Variants in EVC observed in about 807,000 individuals in gnomAD.
EVC encodes the protein evC complex member EVC.
EVC carries 116 observed loss-of-function variants against 118.9 expected under a neutral mutation model. The observed-to-expected ratio is 0.98, with a 90% CI of 0.84 to 1.14. The LOEUF (loss-of-function observed/expected upper bound fraction) is 1.14. EVC is among the 50% of genes most tolerant of loss of function. EVC has a pLI of 0.00. For missense variants in EVC, 1,401 were observed against 1,246.4 expected, an observed-to-expected ratio of 1.12 and a Z score of -1.87; for synonymous variants, 619 against 534.7, an observed-to-expected ratio of 1.16 and a Z score of -2.18.
intron 11 of EVC, among the ~76,000 whole-genome samples, chr4:5,775,657 C>T (rs746749047): frequency 6.6e-6 from 1 of 152,172 alleles, no homozygotes; most frequent in Non-Finnish European, 1.5e-5. Context: ...TGTATAAATA[C>T]ACTGCCATAC....
intron 1 of EVC, among the ~76,000 whole-genome samples, chr4:5,717,983 A>T (rs1275577300): frequency 1.3e-5 from 2 of 152,260 alleles, no homozygotes; most frequent in African/African-American, 4.8e-5. Context: ...GGCCTGACAC[A>T]AAGCAGATGC....
chr4:5,719,156 A>G lies in EVC; in HGVS notation c.175-92A>G, dbSNP rs1577323423. On this transcript the variant is annotated intron_variant, in intron 1 of 20. Transcript: ENST00000264956. The surrounding 1 kb of genome is among the most constrained non-coding windows in gnomAD (Gnocchi z 4.7). Reference sequence around the variant, plus strand: ...GCAGAAGTGGCTGCTGGACTGGGGGAGTTGACTGGCAAAAGTCACGGTGGG... The same window carrying G: ...GCAGAAGTGGCTGCTGGACTGGGGGGGTTGACTGGCAAAAGTCACGGTGGG... 1 of 1,529,674 alleles carries G rather than the reference A, an allele frequency of 6.5e-7. No individual in the cohort carries two copies. The allele number at this position is 1,529,674 out of a possible 1,614,324, so 94.8% of individuals were successfully genotyped here.
intron 5 of EVC, among the ~76,000 whole-genome samples, chr4:5,735,366 AG>A: frequency 6.6e-6 from 1 of 152,212 alleles, no homozygotes; most frequent in East Asian, 1.9e-4. Context: ...CCTAGACCCT[AG>A]TCCACCCTTT....
intron 16 of EVC, among the ~76,000 whole-genome samples, chr4:5,803,557 C>A (rs544024479): frequency 6.6e-6 from 1 of 152,362 alleles, no homozygotes; most frequent in East Asian, 1.9e-4. Flanking sequence ...CACCCCAGCC[C>A]CCATCCATCC....
chr4:5,785,305 G>T (rs1018645743), intron 12 of EVC, among the ~76,000 whole-genome samples: 3 of 152,236 alleles, frequency 2.0e-5, no homozygotes, highest in African/African-American at 7.2e-5. Flanking sequence ...GCCCCTGGCA[G>T]TGCTGTTAAG....
intron 16 of EVC, among the ~76,000 whole-genome samples, chr4:5,803,320 C>A (rs970319202): frequency 6.6e-6 from 1 of 152,212 alleles, no homozygotes; most frequent in African/African-American, 2.4e-5. Context: ...AGCCCAGAGG[C>A]CACCTCTGTC....
At chr4:5,730,204 A>G (rs116014777) in intron 3 of EVC, among the ~76,000 whole-genome samples, 3 of 152,126 alleles carry the variant, frequency 2.0e-5, no homozygotes, top group Non-Finnish European at 2.9e-5. Flanking sequence ...TGGGTGTTAC[A>G]CAAGATAACA....
In EVC at chr4:5,810,176, G is replaced by T. The variant is rs569670844; in HGVS notation, c.2783-163G>T. ...GAGTACGTCACCTTCCCAGGCCTCA[G>T]TTTCCTCATTAGTTGAGTGGCTGCA... On this transcript the variant is annotated intron_variant, in intron 19 of 20. Transcript: ENST00000264956. 2.0e-5 allele frequency among the ~76,000 whole-genome samples: 3 copies of T among 152,324 alleles called. No homozygotes were observed. The East Asian group carries it at 5.8e-4, about 29-fold the overall frequency.
chr4:5,755,204 T>C lies in EVC; in HGVS notation c.1465-1060T>C, dbSNP rs3774870. 0.17 allele frequency among the ~76,000 whole-genome samples: 25,736 copies of C among 152,194 alleles called. 2,647 individuals are homozygous for C. The highest frequency in any genetic ancestry group is 0.23 in the Admixed American group (3,577 of 15,292). ...GATAAGGCTATTCAGCTCCTCGTTA[T>C]TTGGATATTTCTGGGCCCCTGTCCT... is the stretch of plus-strand genomic sequence containing the variant. On this transcript the variant is annotated intron_variant, in intron 10 of 20. Transcript: ENST00000264956. This position sits in a 1 kb window ranked among gnomAD's most constrained non-coding sequence, Gnocchi z 4.1.
intron 12 of EVC, among the ~76,000 whole-genome samples, chr4:5,784,494 C>T (rs890414625): frequency 2.6e-5 from 4 of 152,170 alleles, no homozygotes; most frequent in African/African-American, 7.2e-5. Context: ...CATTAAGACC[C>T]ATTTCAGCCT....
At chr4:5,803,543 G>A (rs570515381) in intron 16 of EVC, among the ~76,000 whole-genome samples, 109 of 152,306 alleles carry the variant, frequency 7.2e-4, no homozygotes, top group African/African-American at 2.4e-3. Flanking sequence ...GTTGGAGACT[G>A]CCCCACCCCA....
intron 11 of EVC, among the ~76,000 whole-genome samples, chr4:5,766,360 G>A (rs1422704966): frequency 7.2e-4 from 102 of 141,900 alleles, no homozygotes; most frequent in African/African-American, 2.7e-3. Flanking sequence ...TTCAACTTTG[G>A]TGAATCTGAC....
In EVC at chr4:5,798,523, C is replaced by A. The variant is rs1714383520; in HGVS notation, c.2098-63C>A. ...GATAGGACCAGCCCCACATCCCAGT[C>A]CTGGCCAGAGCTTCTCTGTGAGAGG... On this transcript the variant is annotated intron_variant, in intron 14 of 20. Coordinates refer to ENST00000264956, the MANE Select transcript of EVC (RefSeq NM_153717.3). This position sits in a 1 kb window ranked among gnomAD's most constrained non-coding sequence, Gnocchi z 4.1. 8.6e-6 allele frequency: 13 copies of A among 1,514,062 alleles called. No homozygotes were observed. The South Asian group carries it at 1.6e-4, about 18-fold the overall frequency. 93.8% of individuals were successfully genotyped at this position (1,514,062 alleles called of 1,614,324 possible).
intron 11 of EVC, among the ~76,000 whole-genome samples, chr4:5,768,966 C>G (rs1439547980): frequency 6.6e-6 from 1 of 152,098 alleles, no homozygotes; most frequent in Non-Finnish European, 1.5e-5. Context: ...GTGCCCAGGC[C>G]CAGGCACACA....
At chr4:5,740,673 T>C (rs10440166) in intron 5 of EVC, among the ~76,000 whole-genome samples, 58,766 of 151,772 alleles carry the variant, frequency 0.39, 11,720 homozygotes, top group African/African-American at 0.48. Context: ...TGAGAGAAAA[T>C]GTTTGCAAAA....
chr4:5,717,098 AC>A (rs1201787265), intron 1 of EVC, among the ~76,000 whole-genome samples: 1 of 151,916 alleles, frequency 6.6e-6, no homozygotes, highest in Non-Finnish European at 1.5e-5. Flanking sequence ...AACTCCTATC[AC>A]TTTTTTAGGT....
intron 12 of EVC, among the ~76,000 whole-genome samples, chr4:5,784,606 ATT>A (rs35237111): frequency 0.33 from 36,156 of 110,634 alleles, 4,176 homozygotes; most frequent in Admixed American, 0.41. Flanking sequence ...ATACACATTG[ATT>A]TTTTTTTTTT....
intron 11 of EVC, among the ~76,000 whole-genome samples, chr4:5,782,767 G>A (rs753642282): frequency 1.3e-5 from 2 of 152,078 alleles, no homozygotes; most frequent in Non-Finnish European, 2.9e-5. Flanking sequence ...GGGAACAGAG[G>A]TCTTCCACGT....
chr4:5,745,955 G>A (rs568045956), intron 7 of EVC, among the ~76,000 whole-genome samples: 4 of 152,268 alleles, frequency 2.6e-5, no homozygotes, highest in South Asian at 2.1e-4. Flanking sequence ...GAGAAGGCCC[G>A]AGGCAGGCAC....
Sources: gnomAD v4.1 joint callset for allele counts (sites outside exome capture counted in the v4.1 genomes callset) on GRCh38, gnomAD v4.1.1 for gene constraint, Gnocchi (gnomAD v3.1) non-coding constraint, MANE v1.5 for transcripts, NCBI Gene and HGNC (gene_info 2026-07-23, HGNC 2026-07-21) for gene names.